Variants in CDH22 observed in about 807,000 individuals in gnomAD.
The protein encoded by CDH22 is cadherin 22, also known as cadherin-22.
Under a neutral mutation model 58.4 loss-of-function variants are expected in CDH22, and 30 were observed. The ratio of observed to expected loss-of-function variants is 0.51; its 90% CI spans 0.38 to 0.70. The LOEUF (loss-of-function observed/expected upper bound fraction) is 0.70, where lower values mean the gene tolerates loss of function less well. Ranked by LOEUF, CDH22 falls within the 30% of genes least tolerant of loss-of-function variation. The pLI, the probability that CDH22 is intolerant of heterozygous loss-of-function variation, is 0.00. For missense variants in CDH22, 1,014 were observed against 1,233.9 expected (o/e 0.82, Z 2.67); for synonymous variants, 513 against 558.2 (o/e 0.92, Z 1.14).
intron 1 of CDH22, among the ~76,000 whole-genome samples, chr20:46,284,951 C>T (rs1489847571): frequency 1.3e-5 from 2 of 152,198 alleles, no homozygotes; most frequent in African/African-American, 4.8e-5. Context: ...CACTCCTCAT[C>T]AGCACTCATT....
intron 1 of CDH22, among the ~76,000 whole-genome samples, chr20:46,306,034 A>C (rs1185088511): frequency 6.6e-6 from 1 of 152,142 alleles, no homozygotes; most frequent in Non-Finnish European, 1.5e-5. Context: ...GTCACAACAC[A>C]CTTTTAGGGG....
At position 46,298,799 on chromosome 20, in the gene CDH22, T is replaced by G. The variant is rs140481510; in HGVS notation, c.-400+9456A>C. ...CCTAATTTGGTTAATGGACCCCAGT[T>G]CTCCCAGACACCAGGCCTGAGACTT... On this transcript the variant is annotated intron_variant, in intron 1 of 11. Coordinates refer to ENST00000537909, the MANE Select transcript of CDH22 (RefSeq NM_021248.3). Among the ~76,000 whole-genome samples, 509 of 151,996 alleles carry G rather than the reference T, an allele frequency of 3.3e-3. 5 individuals carry two copies. The highest frequency in any genetic ancestry group is 0.019 in the Admixed American group (282 of 15,152).
intron 7 of CDH22, among the ~76,000 whole-genome samples, chr20:46,205,779 G>A (rs537947729): frequency 4.3e-4 from 66 of 152,168 alleles, no homozygotes; most frequent in African/African-American, 1.5e-3. Context: ...AATGTCCTTC[G>A]CAGCCTGTCT....
intron 1 of CDH22, among the ~76,000 whole-genome samples, chr20:46,264,249 G>T (rs530465962): frequency 7.9e-4 from 121 of 152,208 alleles, no homozygotes; most frequent in African/African-American, 2.8e-3. Context: ...CAATGAGAAG[G>T]CTAGGCAAAG....
At chr20:46,264,852 TGCACACACACACACC>T (rs2086450522) in intron 1 of CDH22, among the ~76,000 whole-genome samples, 3 of 148,068 alleles carry the variant, frequency 2.0e-5, no homozygotes, top group Non-Finnish European at 4.6e-5. Context: ...ACACACACCG[TGCACACACACACACC>T]GTGCGCACAC....
At position 46,251,470 on chromosome 20, in the gene CDH22, C is replaced by A; in HGVS notation, c.-176G>T. On this transcript the variant is annotated 5_prime_UTR_variant, in exon 2 of 12. Coordinates refer to ENST00000537909, the MANE Select transcript of CDH22 (RefSeq NM_021248.3). The surrounding 1 kb of genome is among the most constrained non-coding windows in gnomAD (Gnocchi z 6.7). ...CGCGGCCCTGAACGCCGCCCAGCCGCGGGGGTACCCGGCTGGAGGGGGAGG... is the reference window on the plus strand; with the variant it reads ...CGCGGCCCTGAACGCCGCCCAGCCGAGGGGGTACCCGGCTGGAGGGGGAGG... 1 of 628,244 alleles carries A rather than the reference C, an allele frequency of 1.6e-6. No homozygotes were observed. Among genetic ancestry groups the A allele is most frequent in the Non-Finnish European group, 2.3e-6 (1 of 436,354 alleles). The allele number at this position is 628,244 out of a possible 1,614,324, so 38.9% of individuals were successfully genotyped here. A position where few individuals can be genotyped will look rare whatever the true frequency, so the allele number is the denominator to read the frequency against.
intron 3 of CDH22, among the ~76,000 whole-genome samples, chr20:46,240,309 T>C (rs557799567): frequency 3.3e-5 from 5 of 152,216 alleles, no homozygotes; most frequent in Admixed American, 6.5e-5. Context: ...TAAGGGCCTG[T>C]TTCCTGCCTG....
At chr20:46,289,609 CAG>C (rs1359633005) in intron 1 of CDH22, among the ~76,000 whole-genome samples, 1 of 152,198 alleles carries the variant, frequency 6.6e-6, no homozygotes, top group African/African-American at 2.4e-5. Context: ...GTGTCCAACA[CAG>C]AGTCTGCAGA....
chr20:46,230,948 G>A lies in CDH22; in HGVS notation c.551-3321C>T, dbSNP rs550298336. On this transcript the variant is annotated intron_variant, in intron 3 of 11. Transcript: ENST00000537909. The stretch of plus-strand genomic sequence containing the variant: ...CAAAGCCCACATATATCCTGCCTTA[G>A]AGGGAGGAGGAGGGGCTGCTTGGAG... Among the ~76,000 whole-genome samples the A allele has an allele frequency of 4.6e-5, 7 of 152,328 alleles. No homozygotes were observed. The South Asian group carries it at 1.2e-3, about 27-fold the overall frequency.
At chr20:46,212,972 C>A (rs759607474) in intron 6 of CDH22, 23 bp downstream of exon 6, 5 of 1,604,886 alleles carry the variant, frequency 3.1e-6, no homozygotes, top group Admixed American at 3.3e-5. Context: ...CTGCCTCCCC[C>A]ATTCCTCCTG....
intron 10 of CDH22, among the ~76,000 whole-genome samples, chr20:46,184,902 A>G (rs1643790101): frequency 1.3e-5 from 2 of 152,176 alleles, no homozygotes; most frequent in Non-Finnish European, 1.5e-5. Flanking sequence ...CCTGGCCAAC[A>G]TGGCGAAACC....
intron 8 of CDH22, among the ~76,000 whole-genome samples, chr20:46,197,928 G>GGAGGGGCCTGGGGCA (rs1328701853): frequency 6.6e-6 from 1 of 152,028 alleles, no homozygotes; most frequent in East Asian, 1.9e-4. Context: ...GCTTGGGTCA[G>GGAGGGGCCTGGGGCA]GAGGGGCCTG....
At chr20:46,304,050 T>C (rs2086664199) in intron 1 of CDH22, among the ~76,000 whole-genome samples, 1 of 152,118 alleles carries the variant, frequency 6.6e-6, no homozygotes, top group Admixed American at 6.5e-5. Flanking sequence ...GAAATGAATC[T>C]GTGGGACTCT....
At chr20:46,220,498 G>A (rs549420657) in intron 4 of CDH22, 1 of 152,882 alleles carries the variant, frequency 6.5e-6, no homozygotes, top group African/African-American at 2.4e-5. Flanking sequence ...GACTTTAGCC[G>A]AGCACTTGCT....
chr20:46,244,308 G>A (rs1568671460), intron 2 of CDH22, among the ~76,000 whole-genome samples: 1 of 152,224 alleles, frequency 6.6e-6, no homozygotes, highest in Non-Finnish European at 1.5e-5. Context: ...TCTGGGGACT[G>A]CAGAGTCAGA....
At chr20:46,178,586 C>CT (rs33937889) in intron 10 of CDH22, among the ~76,000 whole-genome samples, 37,317 of 94,854 alleles carry the variant, frequency 0.39, 8,241 homozygotes, top group South Asian at 0.45. Flanking sequence ...CTGGCGTTGT[C>CT]TTTTTTTTTT....
intron 1 of CDH22, among the ~76,000 whole-genome samples, chr20:46,259,001 T>A (rs865957343): frequency 2.6e-5 from 4 of 152,188 alleles, no homozygotes; most frequent in Admixed American, 6.5e-5. Flanking sequence ...CCATACACAT[T>A]ACAGCCACAC....
At chr20:46,288,754 C>T (rs1229790110) in intron 1 of CDH22, among the ~76,000 whole-genome samples, 1 of 152,226 alleles carries the variant, frequency 6.6e-6, no homozygotes, top group Admixed American at 6.5e-5. Flanking sequence ...TCCAATCCAT[C>T]AGCAAATCTT....
At chr20:46,254,550 A>T (rs2086396688) in intron 1 of CDH22, among the ~76,000 whole-genome samples, 2 of 132,538 alleles carry the variant, frequency 1.5e-5, no homozygotes, top group African/African-American at 6.5e-5. Context: ...GTGAAATTCC[A>T]TCTCAAAAAA....
Sources: gnomAD v4.1 joint callset for allele counts (sites outside exome capture counted in the v4.1 genomes callset) on GRCh38, gnomAD v4.1.1 for gene constraint, Gnocchi (gnomAD v3.1) non-coding constraint, MANE v1.5 for transcripts, NCBI Gene and HGNC (gene_info 2026-07-23, HGNC 2026-07-21) for gene names.